Variants in GSG1 observed in about 807,000 individuals in gnomAD.
GSG1 encodes germ cell-specific gene 1 protein.
In GSG1, 28 loss-of-function variants were observed where a neutral mutation model predicts 30.8. The ratio of observed to expected loss-of-function variants is 0.91; its 90% CI spans 0.67 to 1.25. GSG1 has a LOEUF of 1.25. Ranked by LOEUF, GSG1 falls within the 50% of genes most tolerant of loss-of-function variation. GSG1 has a pLI of 0.00. For synonymous variants in GSG1, 162 were observed against 178.0 expected (o/e 0.91, Z 0.71); for missense variants, 435 against 444.7 (o/e 0.98, Z 0.20).
chr12:13,089,325 A>G, intron 2 of GSG1, 49 bp from the exon 3 acceptor site: 2 of 1,549,848 alleles, frequency 1.3e-6, no homozygotes, highest in South Asian at 1.2e-5. Context: ...CATTTTTTTA[A>G]TTCCTCTTCC....
rs771887535 is a variant in GSG1, at chr12:13,098,456, ATTTTTTTT to A, written c.48+5001_48+5008del. Among the ~76,000 whole-genome samples the A allele has an allele frequency of 3.0e-4, 14 of 47,378 alleles. 3 individuals carry two copies. The highest frequency in any genetic ancestry group is 5.9e-4 in the Admixed American group (2 of 3,362). The allele number at this position is 47,378 out of a possible 152,430, so 31.1% of individuals were successfully genotyped here. ...CTTGTAGGATTGTTTCATGTAGCCC[ATTTTTTTT>A]TTTTTTTTTTTTTTTTTTTTTTTTT... On this transcript the variant is annotated intron_variant, in intron 1 of 6. Transcript: ENST00000651961.
intron 1 of GSG1, among the ~76,000 whole-genome samples, chr12:13,094,624 A>T (rs1866492458): frequency 6.6e-6 from 1 of 152,236 alleles, no homozygotes; most frequent in Non-Finnish European, 1.5e-5. Context: ...ATCCTTTCTA[A>T]TAATTCTTAC....
intron 1 of GSG1, among the ~76,000 whole-genome samples, chr12:13,102,963 A>G (rs1863323313): frequency 6.6e-6 from 1 of 152,244 alleles, no homozygotes; most frequent in South Asian, 2.1e-4. Context: ...TGTCCTTCCC[A>G]GTTCCAGATC....
chr12:13,090,491 A>G lies in GSG1; in HGVS notation c.364+12T>C, dbSNP rs376150164. ...TGACCCCGTTGCTCTTATATCCCAG[A>G]ATGTAGGCTACCTGGTTCTTCCACA... On this transcript the variant is annotated intron_variant, in intron 2 of 6. Coordinates refer to ENST00000651961, the MANE Select transcript of GSG1 (RefSeq NM_001080555.4). The G allele has an allele frequency of 6.3e-7, 1 of 1,599,382 alleles. No individual in the cohort carries two copies. Among genetic ancestry groups the G allele is most frequent in the African/African-American group, 1.3e-5 (1 of 74,642 alleles).
intron 1 of GSG1, among the ~76,000 whole-genome samples, chr12:13,092,334 C>T (rs1365376369): frequency 6.6e-6 from 1 of 152,076 alleles, no homozygotes; most frequent in East Asian, 1.9e-4. Flanking sequence ...ATGGATCTGC[C>T]AGCAGCCACT....
intron 1 of GSG1, among the ~76,000 whole-genome samples, chr12:13,096,495 A>AG (rs1422478738): frequency 2.0e-5 from 3 of 149,550 alleles, no homozygotes; most frequent in Admixed American, 2.0e-4. Context: ...AAAAAAAAAG[A>AG]ATAAGTACTA....
intron 1 of GSG1, among the ~76,000 whole-genome samples, chr12:13,092,306 T>A (rs1336119265): frequency 1.3e-5 from 2 of 152,126 alleles, no homozygotes; most frequent in African/African-American, 4.8e-5. Context: ...AGCAGGGGGA[T>A]CTTTCTGAGT....
chr12:13,090,379 T>C (rs1865963578), intron 2 of GSG1, 124 bp downstream of exon 2: 1 of 791,668 alleles, frequency 1.3e-6, no homozygotes, highest in Non-Finnish European at 2.0e-6. Flanking sequence ...CCCACTGGGG[T>C]GTGGGCAGTG....
chr12:13,087,633 G>A (rs1865670439), intron 5 of GSG1, among the ~76,000 whole-genome samples: 1 of 152,170 alleles, frequency 6.6e-6, no homozygotes, highest in African/African-American at 2.4e-5. Context: ...AAAGCTGTGT[G>A]TATGTCACAA....
At chr12:13,088,087 G>T (rs757979765) in intron 4 of GSG1, 28 bp from the exon 5 acceptor site, 4 of 1,613,328 alleles carry the variant, frequency 2.5e-6, no homozygotes, top group Admixed American at 1.7e-5. Flanking sequence ...AAGAGGGAGC[G>T]CTCACCCTGA....
chr12:13,099,404 T>A (rs1477120658), intron 1 of GSG1, among the ~76,000 whole-genome samples: 1 of 152,234 alleles, frequency 6.6e-6, no homozygotes, highest in Non-Finnish European at 1.5e-5. Context: ...CATGTTGGAC[T>A]GTGACTATTC....
chr12:13,085,370 G>C, intron 6 of GSG1, 127 bp from the exon 7 acceptor site: 1 of 807,756 alleles, frequency 1.2e-6, no homozygotes, highest in Admixed American at 3.0e-5. Flanking sequence ...TTTCCACCAT[G>C]TTTCAGGTAA....
intron 1 of GSG1, among the ~76,000 whole-genome samples, chr12:13,103,121 G>A (rs773445842): frequency 2.0e-5 from 3 of 152,212 alleles, no homozygotes; most frequent in African/African-American, 4.8e-5. Flanking sequence ...TTTTGGCAAC[G>A]GGAATAATGC....
chr12:13,090,424 C>T (rs1462218846), intron 2 of GSG1, 79 bp downstream of exon 2: 3 of 1,377,984 alleles, frequency 2.2e-6, no homozygotes, highest in African/African-American at 2.9e-5. Flanking sequence ...CCTAAGCGGG[C>T]CTACCTGATT....
rs367959278 is a variant in GSG1 at position 13,090,296 on chromosome 12, A to T, written c.364+207T>A. Among the ~76,000 whole-genome samples, 15 of 152,372 alleles carry T rather than the reference A, an allele frequency of 9.8e-5. No homozygotes were observed. In the South Asian group the frequency reaches 2.9e-3, roughly 29 times the overall value. On this transcript the variant is annotated intron_variant, in intron 2 of 6. Transcript: ENST00000651961. ...GAAAATCCAGAGGACTTTCAACCTTATTAAAAGGGGCTCCTATAGAGAAGG... is the reference window on the plus strand; with the variant it reads ...GAAAATCCAGAGGACTTTCAACCTTTTTAAAAGGGGCTCCTATAGAGAAGG...
intron 1 of GSG1, among the ~76,000 whole-genome samples, chr12:13,094,677 C>T (rs953828081): frequency 6.6e-6 from 1 of 152,180 alleles, no homozygotes; most frequent in Admixed American, 6.5e-5. Flanking sequence ...AACATCTTCA[C>T]TAACTATTTG....
rs1359011824 is a variant in GSG1, at chr12:13,084,939, C to T, written c.1051G>A (p.Glu351Lys). 6.4e-7 allele frequency: 1 copy of T among 1,551,598 alleles called. No homozygotes were observed. The highest frequency in any genetic ancestry group is 1.4e-5 in the African/African-American group (1 of 73,060). The change falls in exon 7 of 7, where the codon GAA (glutamate) becomes AAA (lysine). Residue 351 changes from glutamate (E) to lysine (K), a missense_variant. Physicochemically the swap from Glu to Lys is moderately conservative, Grantham distance 56 (BLOSUM62 1). Transcript: ENST00000651961. Reference sequence around the variant, plus strand: ...TCCTCTACAGATGACCTAACTGCTTCTTTCAGCTCCTGGCTGGCCCCTCTT... The same window carrying T: ...TCCTCTACAGATGACCTAACTGCTTTTTTCAGCTCCTGGCTGGCCCCTCTT... ...FQRGASQELK[E>K]AVRSSVEEEQ... is the part of the protein sequence containing the mutation.
chr12:13,089,067 C>G, intron 3 of GSG1, 141 bp downstream of exon 3: 4 of 1,282,918 alleles, frequency 3.1e-6, no homozygotes, highest in Non-Finnish European at 4.3e-6. Flanking sequence ...GAATGAATGG[C>G]ACAGCCAAGA....
intron 6 of GSG1, among the ~76,000 whole-genome samples, chr12:13,086,911 G>T (rs1865583715): frequency 6.6e-6 from 1 of 152,184 alleles, no homozygotes; most frequent in Non-Finnish European, 1.5e-5. Flanking sequence ...CAGCTGATGA[G>T]CAGGAAAACT....
Sources: allele counts gnomAD v4.1 joint callset (sites outside exome capture counted in the v4.1 genomes callset), GRCh38; gene constraint gnomAD v4.1.1; transcripts MANE v1.5; gene names NCBI Gene and HGNC (gene_info 2026-07-23, HGNC 2026-07-21).